Variants in GLG1 observed in about 807,000 individuals in gnomAD.
GLG1 encodes the protein golgi glycoprotein 1.
In GLG1, 38 loss-of-function variants were observed where a neutral mutation model predicts 160.5. The ratio of observed to expected loss-of-function variants is 0.24; its 90% confidence interval spans 0.18 to 0.31. The LOEUF is 0.31. Among genes scored for constraint, GLG1 ranks in the 10% least tolerant of loss-of-function variants. GLG1 has a pLI of 1.00. For synonymous variants in GLG1, 644 were observed against 543.4 expected (o/e 1.19, Z -2.57); for missense variants, 1,373 against 1,505.2 (o/e 0.91, Z 1.45).
intron 1 of GLG1, among the ~76,000 whole-genome samples, chr16:74,601,443 C>T (rs544759306): frequency 4.9e-4 from 75 of 151,864 alleles, no homozygotes; most frequent in African/African-American, 1.7e-3. Context: ...AAAAAGTATA[C>T]CCCAACTACT....
At chr16:74,548,778 A>G (rs1401000585) in intron 1 of GLG1, among the ~76,000 whole-genome samples, 2 of 152,146 alleles carry the variant, frequency 1.3e-5, no homozygotes, top group Non-Finnish European at 2.9e-5. Flanking sequence ...AGCGGATCAC[A>G]TAAGGTCAGG....
intron 4 of GLG1, among the ~76,000 whole-genome samples, 163 bp downstream of exon 4, chr16:74,503,368 T>A (rs2016481397): frequency 2.0e-5 from 3 of 152,118 alleles, no homozygotes; most frequent in Admixed American, 2.0e-4. Context: ...ACACATGAAA[T>A]ACATTGTCAA....
chr16:74,563,346 G>C (rs1433868925), intron 1 of GLG1: 1 of 152,238 alleles, frequency 6.6e-6, no homozygotes, highest in Non-Finnish European at 1.5e-5. Context: ...AAGAACACTA[G>C]TGCTTGGAAG....
intron 18 of GLG1, among the ~76,000 whole-genome samples, chr16:74,466,233 G>A (rs1485619981): frequency 5.3e-5 from 8 of 152,194 alleles, no homozygotes; most frequent in South Asian, 2.1e-4. Flanking sequence ...CTGGATGCTA[G>A]ATATGAATCA....
chr16:74,582,522 G>T (rs1029991864), intron 1 of GLG1, among the ~76,000 whole-genome samples: 2 of 151,960 alleles, frequency 1.3e-5, no homozygotes, highest in Admixed American at 6.6e-5. Flanking sequence ...CAAACTTTTC[G>T]GTCAAAATCT....
intron 15 of GLG1, among the ~76,000 whole-genome samples, chr16:74,470,574 G>A (rs1385710437): frequency 4.3e-5 from 6 of 140,884 alleles, no homozygotes; most frequent in Admixed American, 7.3e-5. Context: ...TCAGTCTCCC[G>A]AGTAGCTGGG....
chr16:74,606,616 G>A (rs770231675), intron 1 of GLG1, 41 bp downstream of exon 1: 32 of 1,503,002 alleles, frequency 2.1e-5, no homozygotes, highest in Non-Finnish European at 2.6e-5. Flanking sequence ...CCTCGGGCCC[G>A]CACCAGGCCT....
chr16:74,594,330 T>C (rs940611347), intron 1 of GLG1, among the ~76,000 whole-genome samples: 1 of 152,230 alleles, frequency 6.6e-6, no homozygotes, highest in Non-Finnish European at 1.5e-5. Context: ...TCAAGAATTA[T>C]AGGTGTTATT....
At chr16:74,525,224 GT>G (rs2017297344) in intron 2 of GLG1, among the ~76,000 whole-genome samples, 2 of 152,274 alleles carry the variant, frequency 1.3e-5, no homozygotes, top group South Asian at 4.1e-4. Flanking sequence ...CTGCTAATCT[GT>G]CTTCCACAGT....
intron 3 of GLG1, among the ~76,000 whole-genome samples, chr16:74,506,885 A>G (rs1411915568): frequency 6.6e-6 from 1 of 152,204 alleles, no homozygotes; most frequent in Admixed American, 6.5e-5. Context: ...GAATAGGAGT[A>G]AACTCTGAAG....
Position 74,518,609 on chromosome 16 carries a change from C to G in GLG1, c.472-9684G>C, listed in dbSNP as rs867108622. Among the ~76,000 whole-genome samples the G allele has an allele frequency of 2.6e-4, 40 of 152,200 alleles. No individual in the cohort carries two copies. In the Middle Eastern group the frequency reaches 0.014, roughly 52 times the overall value. ...GATGATAAAAATCCTAGAAGAAAAC[C>G]TGGGCTGTATTAATACCATTCAGGA... On this transcript the variant is annotated intron_variant, in intron 2 of 25. Transcript: ENST00000422840.
At chr16:74,460,513 C>T (rs905488220) in intron 22 of GLG1, among the ~76,000 whole-genome samples, 4 of 152,192 alleles carry the variant, frequency 2.6e-5, no homozygotes, top group Non-Finnish European at 5.9e-5. Context: ...CTCTGGACAC[C>T]GCAGGATCTG....
At chr16:74,510,223 G>C (rs1176104341) in intron 2 of GLG1, among the ~76,000 whole-genome samples, 1 of 151,766 alleles carries the variant, frequency 6.6e-6, no homozygotes, top group Non-Finnish European at 1.5e-5. Flanking sequence ...TAGAGATGGG[G>C]TTTCTCCATG....
chr16:74,509,550 A>C (rs1470722458), intron 2 of GLG1, among the ~76,000 whole-genome samples: 1 of 151,792 alleles, frequency 6.6e-6, no homozygotes, highest in Non-Finnish European at 1.5e-5. Context: ...TCATTCATTC[A>C]TTCATTTAAA....
At position 74,452,009 on chromosome 16, in the gene GLG1, G is replaced by C; in HGVS notation, c.*1158C>G. ...CTTTCCACACCCTCTCCACGTAGAG[G>C]CACAAAGGAGCTTGTCTGGGAAGTT... On this transcript the variant is annotated 3_prime_UTR_variant, in exon 26 of 26. Transcript: ENST00000422840. The C allele has an allele frequency of 7.6e-7, 1 of 1,316,938 alleles. No individual in the cohort carries two copies. Among genetic ancestry groups the C allele is most frequent in the Non-Finnish European group, 1.1e-6 (1 of 908,638 alleles). The allele number at this position is 1,316,938 out of a possible 1,614,324, so 81.6% of individuals were successfully genotyped here.
At chr16:74,539,861 C>G in intron 1 of GLG1, among the ~76,000 whole-genome samples, 1 of 144,240 alleles carries the variant, frequency 6.9e-6, no homozygotes, top group South Asian at 2.2e-4. Context: ...GTTAAACTGA[C>G]CAAGTGGAAA....
At chr16:74,567,407 T>C (rs2018686585) in intron 1 of GLG1, among the ~76,000 whole-genome samples, 1 of 152,102 alleles carries the variant, frequency 6.6e-6, no homozygotes, top group African/African-American at 2.4e-5. Flanking sequence ...AGGTATCTCT[T>C]TATTCTAATG....
chr16:74,483,020 C>T lies in GLG1; in HGVS notation c.1673+3G>A, dbSNP rs1289213793. 1.3e-6 allele frequency: 2 copies of T among 1,527,848 alleles called. No individual in the cohort carries two copies. Among genetic ancestry groups the T allele is most frequent in the Non-Finnish European group, 1.8e-6 (2 of 1,101,576 alleles). 94.6% of individuals were successfully genotyped at this position (1,527,848 alleles called of 1,614,324 possible). On this transcript the variant is annotated splice_donor_region_variant and intron_variant, in intron 10 of 25. Coordinates refer to ENST00000422840, the MANE Select transcript of GLG1 (RefSeq NM_001145667.2). ...ACATTTACTTTGGCTTCAAAATACT[C>T]ACTTCCAATCCCGGGAGATGAAATA... is the stretch of plus-strand genomic sequence containing the variant.
At chr16:74,516,545 C>A (rs1006265869) in intron 2 of GLG1, among the ~76,000 whole-genome samples, 2 of 152,212 alleles carry the variant, frequency 1.3e-5, no homozygotes, top group Non-Finnish European at 2.9e-5. Flanking sequence ...CTCTGGGACA[C>A]ATTCAAAGCA....
Sources: gnomAD v4.1 joint callset for allele counts (sites outside exome capture counted in the v4.1 genomes callset) on GRCh38, gnomAD v4.1.1 for gene constraint, MANE v1.5 for transcripts, NCBI Gene and HGNC (gene_info 2026-07-23, HGNC 2026-07-21) for gene names.